Variants in NCOA2 observed in about 807,000 individuals in gnomAD.
The protein encoded by NCOA2 is nuclear receptor coactivator 2.
In NCOA2, 21 loss-of-function variants were observed where a neutral mutation model predicts 145.1. The ratio of observed to expected loss-of-function variants is 0.14; its 90% CI spans 0.10 to 0.21. The LOEUF (loss-of-function observed/expected upper bound fraction) is 0.21, where lower values mean the gene tolerates loss of function less well. Among genes scored for constraint, NCOA2 ranks in the 10% least tolerant of loss-of-function variants. The probability of loss-of-function intolerance (pLI) is 1.00; values close to 1 mark genes in which losing one functional copy is unlikely to be tolerated. For synonymous variants in NCOA2, 619 were observed against 637.5 expected, an observed-to-expected ratio of 0.97 and a Z score of 0.44; for missense variants, 1,472 against 1,837.6, an observed-to-expected ratio of 0.80 and a Z score of 3.64.
At position 70,127,757 on chromosome 8, in the gene NCOA2, G is replaced by A. The variant is rs117792341; in HGVS notation, c.3681+676C>T. Among the ~76,000 whole-genome samples the A allele has an allele frequency of 8.9e-3, 1,353 of 152,296 alleles. 21 individuals carry two copies. The highest frequency in any genetic ancestry group is 0.017 in the Middle Eastern group (5 of 294). ...CTGTCACAGTCATTCGTAGACATGA[G>A]CACAGTGGTAAAACATTTCAGATAT... On this transcript the variant is annotated intron_variant, in intron 18 of 22. Transcript: ENST00000452400.
At chr8:70,320,926 TAA>T (rs1201576436) in intron 1 of NCOA2, among the ~76,000 whole-genome samples, 1 of 152,228 alleles carries the variant, frequency 6.6e-6, no homozygotes, top group East Asian at 1.9e-4. Flanking sequence ...TACAAATATA[TAA>T]CTTTCTGTAT....
chr8:70,239,095 C>T (rs1009590020), intron 2 of NCOA2, among the ~76,000 whole-genome samples: 3 of 152,114 alleles, frequency 2.0e-5, no homozygotes, highest in African/African-American at 7.2e-5. Flanking sequence ...ATCCTAGGTA[C>T]TCTGATAACA....
In NCOA2 at chr8:70,174,852, T is replaced by G; in HGVS notation, c.267A>C (p.Ala89=). 1 of 1,613,288 alleles carries G rather than the reference T, an allele frequency of 6.2e-7. No homozygotes were observed. The highest frequency in any genetic ancestry group is 1.7e-5 in the Admixed American group (1 of 60,014). ...GCACTTCATCTATGTTGGCAGCTGC[T>G]GCTTTCTCTGCAATAAACATAAGTG... The part of the protein sequence containing the change: ...QIRQIKEQEK[A]AAANIDEVQK... The change falls in exon 5 of 23, where the codon GCA becomes GCC. Residue 89 remains alanine, a synonymous_variant. Transcript: ENST00000452400.
At chr8:70,259,912 C>A (rs1354033863) in intron 2 of NCOA2, among the ~76,000 whole-genome samples, 4 of 152,304 alleles carry the variant, frequency 2.6e-5, no homozygotes, top group East Asian at 3.9e-4. Flanking sequence ...AGAACAAATT[C>A]ACTGTACTGA....
At chr8:70,342,250 A>T (rs1328069116) in intron 1 of NCOA2, among the ~76,000 whole-genome samples, 1 of 152,230 alleles carries the variant, frequency 6.6e-6, no homozygotes, top group South Asian at 2.1e-4. Flanking sequence ...CACAATAAGC[A>T]ATCACTTTCA....
At position 70,238,165 on chromosome 8, in the gene NCOA2, T is replaced by C. The variant is rs80287837; in HGVS notation, c.-19-21401A>G. 8.5e-3 allele frequency among the ~76,000 whole-genome samples: 1,291 copies of C among 151,584 alleles called. 12 individuals are homozygous for C. The highest frequency in any genetic ancestry group is 0.018 in the Middle Eastern group (5 of 282). ...GCATGTGCACACGCGCGCGCGCGCG[T>C]GTGTGTGTTTTAAACTACTTAGGAA... On this transcript the variant is annotated intron_variant, in intron 2 of 22. Transcript: ENST00000452400.
intron 1 of NCOA2, chr8:70,402,458 GGA>G (rs1814375079): frequency 1.3e-5 from 2 of 152,252 alleles, no homozygotes; most frequent in African/African-American, 4.8e-5. Context: ...ACCACTAGAG[GGA>G]GGGGAAGAGG....
At chr8:70,440,650 GAGAAA>G in the NCOA2 span, among the ~76,000 whole-genome samples, 1 of 128,320 alleles carries the variant, frequency 7.8e-6, no homozygotes, top group Non-Finnish European at 1.8e-5. Flanking sequence ...AAGAGAGAGA[GAGAAA>G]AGAAAGAGGG....
chr8:70,386,884 C>G (rs1011331758), intron 1 of NCOA2, among the ~76,000 whole-genome samples: 1 of 152,044 alleles, frequency 6.6e-6, no homozygotes, highest in African/African-American at 2.4e-5. Context: ...GTATACTTAA[C>G]CATTATTAAA....
intron 1 of NCOA2, among the ~76,000 whole-genome samples, chr8:70,308,575 G>A (rs929171297): frequency 3.3e-5 from 5 of 151,776 alleles, no homozygotes; most frequent in Non-Finnish European, 7.4e-5. Context: ...TTCTCCTCTG[G>A]GAATTTCTAT....
At chr8:70,246,832 T>C (rs997991696) in intron 2 of NCOA2, among the ~76,000 whole-genome samples, 2 of 151,970 alleles carry the variant, frequency 1.3e-5, no homozygotes, top group African/African-American at 4.8e-5. Context: ...TGTGTGTAGA[T>C]ACTTCATGGA....
chr8:70,327,124 C>A (rs1388265439), intron 1 of NCOA2, among the ~76,000 whole-genome samples: 2 of 152,208 alleles, frequency 1.3e-5, no homozygotes, highest in Non-Finnish European at 2.9e-5. Flanking sequence ...GAGATTAATA[C>A]ATTCGGCTTC....
intron 4 of NCOA2, among the ~76,000 whole-genome samples, chr8:70,199,322 G>A (rs1371357830): frequency 2.6e-5 from 4 of 151,854 alleles, no homozygotes; most frequent in African/African-American, 7.3e-5. Context: ...GTGGTGGTGG[G>A]TGCCTGTAGT....
intron 4 of NCOA2, among the ~76,000 whole-genome samples, chr8:70,202,598 G>GACAAATACTGCCTTGTTTTATTCATAT (rs1818008493): frequency 6.6e-6 from 1 of 152,084 alleles, no homozygotes; most frequent in Non-Finnish European, 1.5e-5. Flanking sequence ...ATCACAAAAA[G>GACAAATACTGCCTTGTTTTATTCATAT]ACAAATACTG....
At chr8:70,322,231 G>A (rs955069142) in intron 1 of NCOA2, among the ~76,000 whole-genome samples, 6 of 152,058 alleles carry the variant, frequency 3.9e-5, no homozygotes, top group African/African-American at 1.2e-4. Context: ...ATAACTTATA[G>A]CTTAATATTT....
At chr8:70,336,586 G>C (rs987689774) in intron 1 of NCOA2, among the ~76,000 whole-genome samples, 5 of 148,478 alleles carry the variant, frequency 3.4e-5, no homozygotes, top group Non-Finnish European at 5.9e-5. Flanking sequence ...CATCTTACAT[G>C]GTGGCAGGAG....
At chr8:70,434,563 C>T in the NCOA2 span, among the ~76,000 whole-genome samples, 1 of 152,028 alleles carries the variant, frequency 6.6e-6, no homozygotes, top group African/African-American at 2.4e-5. Flanking sequence ...CATTTTCTTT[C>T]TTTCTTTCTT....
chr8:70,143,197 C>T (rs1810655310), intron 13 of NCOA2, among the ~76,000 whole-genome samples: 1 of 152,170 alleles, frequency 6.6e-6, no homozygotes, highest in African/African-American at 2.4e-5. Context: ...ATCCACCCGC[C>T]TTGGCCTCCC....
At chr8:70,251,866 T>C (rs1022986987) in intron 2 of NCOA2, among the ~76,000 whole-genome samples, 2 of 152,230 alleles carry the variant, frequency 1.3e-5, no homozygotes, top group African/African-American at 4.8e-5. Flanking sequence ...GGATAACCAT[T>C]GTCTCTGGTT....
Sources: gnomAD v4.1 joint callset for allele counts (sites outside exome capture counted in the v4.1 genomes callset) on GRCh38, gnomAD v4.1.1 for gene constraint, MANE v1.5 for transcripts, NCBI Gene and HGNC (gene_info 2026-07-23, HGNC 2026-07-21) for gene names.